MLLT10: variants seen among roughly 807,000 people sequenced by gnomAD.
MLLT10 encodes the protein MLLT10 histone lysine methyltransferase DOT1L cofactor, also known as protein AF-10.
MLLT10 carries 30 observed loss-of-function variants against 129.1 expected under a neutral mutation model. The observed-to-expected ratio is 0.23, with a 90% CI of 0.17 to 0.32. The LOEUF (loss-of-function observed/expected upper bound fraction) is 0.32, where lower values mean the gene tolerates loss of function less well. Among genes scored for constraint, MLLT10 ranks in the 10% least tolerant of loss-of-function variants. The probability of loss-of-function intolerance (pLI) is 1.00; values close to 1 mark genes in which losing one functional copy is unlikely to be tolerated. For missense variants in MLLT10, 1,119 were observed against 1,268.3 expected, an observed-to-expected ratio of 0.88 and a Z score of 1.79; for synonymous variants, 490 against 446.4, an observed-to-expected ratio of 1.10 and a Z score of -1.23.
At chr10:21,583,872 A>G (rs1029654893) in intron 3 of MLLT10, among the ~76,000 whole-genome samples, 1 of 144,998 alleles carries the variant, frequency 6.9e-6, no homozygotes, top group African/African-American at 2.5e-5. Context: ...AATAGGCTCA[A>G]TTTTTTTTTT....
chr10:21,673,381 G>A lies in MLLT10; in HGVS notation c.1083G>A (p.Lys361=), dbSNP rs143048425. ...GSFSGTPGSV[K]SSSGSSVQSP... The stretch of plus-strand genomic sequence containing the variant: ...TTTCAGGAACTCCAGGCAGTGTAAA[G>A]TCATCTTCTGGAAGTTCAGTGCAGT... Residue 361 remains lysine, a synonymous_variant, in exon 11 of 23, where the codon AAG becomes AAA. Transcript: ENST00000307729. The A allele has an allele frequency of 4.5e-6, 6 of 1,329,664 alleles. No homozygotes were observed. The East Asian group carries it at 1.3e-4, about 29-fold the overall frequency. The allele number at this position is 1,329,664 out of a possible 1,614,324, so 82.4% of individuals were successfully genotyped here.
chr10:21,717,420 G>A (rs1341807364), intron 14 of MLLT10, among the ~76,000 whole-genome samples: 1 of 149,274 alleles, frequency 6.7e-6, no homozygotes, highest in Admixed American at 6.7e-5. Flanking sequence ...AGGGGAGTCT[G>A]ATAGCAGCAT....
At chr10:21,686,944 C>A (rs2131419891) in intron 13 of MLLT10, among the ~76,000 whole-genome samples, 1 of 152,216 alleles carries the variant, frequency 6.6e-6, no homozygotes, top group East Asian at 1.9e-4. Flanking sequence ...GATCGCGCCA[C>A]TGCATTCCAG....
At chr10:21,714,358 G>A (rs987229409) in intron 14 of MLLT10, among the ~76,000 whole-genome samples, 9 of 151,772 alleles carry the variant, frequency 5.9e-5, no homozygotes, top group Admixed American at 3.9e-4. Context: ...AAAAAAAACC[G>A]TGTAGGAGAA....
intron 5 of MLLT10, among the ~76,000 whole-genome samples, chr10:21,596,460 C>T (rs1412610990): frequency 6.6e-6 from 1 of 152,070 alleles, no homozygotes; most frequent in East Asian, 1.9e-4. Context: ...ATTTAGTATA[C>T]ACTGCTAGCA....
intron 15 of MLLT10, among the ~76,000 whole-genome samples, chr10:21,726,615 A>T (rs888321683): frequency 2.6e-5 from 4 of 151,778 alleles, no homozygotes; most frequent in African/African-American, 9.7e-5. Flanking sequence ...ACAAACTGTC[A>T]ATTTACAATA....
At chr10:21,534,127 A>G (rs980210436), upstream of MLLT10, 5 of 282,060 alleles carry the variant, frequency 1.8e-5, no homozygotes, top group Middle Eastern at 1.1e-3. Context: ...GGGGAGGGGG[A>G]CGGGGCCCCG....
chr10:21,576,947 A>G (rs2040832443), intron 3 of MLLT10, among the ~76,000 whole-genome samples: 1 of 152,136 alleles, frequency 6.6e-6, no homozygotes. Flanking sequence ...TTTGTTTTGA[A>G]ACAGTGTCTA....
Position 21,565,937 on chromosome 10 carries a change from A to G in MLLT10, c.241-20357A>G, listed in dbSNP as rs1588973725. Among the ~76,000 whole-genome samples the G allele has an allele frequency of 3.6e-5, 5 of 139,434 alleles. No homozygotes were observed. In the South Asian group the frequency reaches 1.1e-3, roughly 31 times the overall value. The allele number at this position is 139,434 out of a possible 152,430, so 91.5% of individuals were successfully genotyped here. ...TATGTTTTTAAAATCCAGTCTGTCA[A>G]TCTTTGGCTTTTTTTTTTTTTTTTT... On this transcript the variant is annotated intron_variant, in intron 3 of 22. Coordinates refer to ENST00000307729, the MANE Select transcript of MLLT10 (RefSeq NM_001195626.3).
At chr10:21,590,655 T>A (rs2042409427) in intron 4 of MLLT10, among the ~76,000 whole-genome samples, 1 of 152,156 alleles carries the variant, frequency 6.6e-6, no homozygotes, top group Non-Finnish European at 1.5e-5. Context: ...AGTATTTTAT[T>A]ATTATTTTGT....
At chr10:21,649,935 CATT>C (rs1240435865) in intron 8 of MLLT10, among the ~76,000 whole-genome samples, 1 of 152,116 alleles carries the variant, frequency 6.6e-6, no homozygotes, top group African/African-American at 2.4e-5. Context: ...TTTGGGGAGT[CATT>C]ATCTGCCACA....
chr10:21,592,478 C>T (rs1474520177), intron 4 of MLLT10, among the ~76,000 whole-genome samples: 49 of 147,912 alleles, frequency 3.3e-4, no homozygotes, highest in African/African-American at 9.8e-4. Flanking sequence ...TTTTTTGAGA[C>T]GGAGTCTCAC....
intron 5 of MLLT10, among the ~76,000 whole-genome samples, chr10:21,607,175 A>G (rs954858859): frequency 3.9e-5 from 6 of 152,168 alleles, no homozygotes; most frequent in Non-Finnish European, 8.8e-5. Flanking sequence ...TTTACCAGCA[A>G]AAAGATAAAG....
chr10:21,596,830 T>C (rs2043061668), intron 5 of MLLT10, among the ~76,000 whole-genome samples: 1 of 152,106 alleles, frequency 6.6e-6, no homozygotes, highest in Non-Finnish European at 1.5e-5. Flanking sequence ...ATTTGCTGTG[T>C]GTGTTTTTTC....
intron 13 of MLLT10, among the ~76,000 whole-genome samples, chr10:21,691,393 T>A (rs989825205): frequency 1.3e-5 from 2 of 152,206 alleles, no homozygotes; most frequent in Non-Finnish European, 2.9e-5. Flanking sequence ...TATCTCTGGA[T>A]ATATGTATGT....
chr10:21,673,318 C>CAGTTTTTT, intron 10 of MLLT10, 32 bp from the exon 11 acceptor site: 1 of 307,342 alleles, frequency 3.3e-6, no homozygotes, highest in South Asian at 7.0e-5. Context: ...CACCCCCCAA[C>CAGTTTTTT]TTTTTTTTTT....
chr10:21,534,305 AG>A lies in MLLT10; in HGVS notation c.-215del, dbSNP rs2033357002. 6.6e-6 allele frequency: 2 copies of A among 302,970 alleles called. No homozygotes were observed. Among genetic ancestry groups the A allele is most frequent in the Non-Finnish European group, 1.2e-5 (2 of 169,302 alleles). 18.8% of individuals were successfully genotyped at this position (302,970 alleles called of 1,614,324 possible). ...CCCTCGCTGCCCCTGGCCCAGCGGG[AG>A]CCCCCCCTCCCCCCAGTGCGCCTGT... On this transcript the variant is annotated 5_prime_UTR_variant, in exon 1 of 23. Transcript: ENST00000307729.
intron 22 of MLLT10, among the ~76,000 whole-genome samples, chr10:21,740,917 C>A (rs2058775691): frequency 6.6e-6 from 1 of 152,092 alleles, no homozygotes; most frequent in African/African-American, 2.4e-5. Flanking sequence ...AGGGCAGAAC[C>A]CTGTTAGAGG....
At chr10:21,651,120 C>T (rs370217385) in intron 8 of MLLT10, among the ~76,000 whole-genome samples, 4 of 151,988 alleles carry the variant, frequency 2.6e-5, no homozygotes, top group Non-Finnish European at 2.9e-5. Context: ...TGCCCAGGCT[C>T]GGGTGCAGTG....
Sources: gnomAD v4.1 joint callset for allele counts (sites outside exome capture counted in the v4.1 genomes callset) on GRCh38, gnomAD v4.1.1 for gene constraint, MANE v1.5 for transcripts, NCBI Gene and HGNC (gene_info 2026-07-23, HGNC 2026-07-21) for gene names.